PDGFB: variants seen among roughly 807,000 people sequenced by gnomAD.
The protein encoded by PDGFB is platelet-derived growth factor subunit B.
Under a neutral mutation model 29.0 loss-of-function variants are expected in PDGFB, and 6 were observed. The observed-to-expected ratio is 0.21, with a 90% CI of 0.11 to 0.41. The LOEUF is 0.41. Among genes scored for constraint, PDGFB ranks in the 10% least tolerant of loss-of-function variants. The pLI, the probability that PDGFB is intolerant of heterozygous loss-of-function variation, is 1.00. For synonymous variants in PDGFB, 144 were observed against 140.8 expected (o/e 1.02, Z -0.16); for missense variants, 299 against 341.8 (o/e 0.87, Z 0.99).
intron 2 of PDGFB, 62 bp downstream of exon 2, chr22:39,235,716 C>T: frequency 8.4e-7 from 1 of 1,183,456 alleles, no homozygotes; most frequent in Non-Finnish European, 1.3e-6. Flanking sequence ...CCTGTCCTGC[C>T]CCTCCCAGAT....
chr22:39,241,588 AAAG>A (rs1932569431), intron 1 of PDGFB, among the ~76,000 whole-genome samples: 1 of 152,226 alleles, frequency 6.6e-6, no homozygotes. Flanking sequence ...GAGCTGTGGG[AAAG>A]AAGGAGGAGG....
At chr22:39,227,479 C>G (rs1932196049) in intron 5 of PDGFB, among the ~76,000 whole-genome samples, 1 of 152,236 alleles carries the variant, frequency 6.6e-6, no homozygotes. Flanking sequence ...CAGAAACCCC[C>G]CAGCTAGTGT....
At chr22:39,239,960 T>C (rs1367223023) in intron 1 of PDGFB, among the ~76,000 whole-genome samples, 2 of 152,168 alleles carry the variant, frequency 1.3e-5, no homozygotes, top group Non-Finnish European at 2.9e-5. Context: ...AGGAAGAAGC[T>C]GATGAGGCCT....
At position 39,225,679 on chromosome 22, in the gene PDGFB, C is replaced by A; in HGVS notation, c.*28+16G>T. On this transcript the variant is annotated intron_variant, in intron 6 of 6. Transcript: ENST00000331163. The stretch of plus-strand genomic sequence containing the variant: ...ACACAGGATTCTGGGCCTCAGTTGC[C>A]CCGCCTGGCCCTCACCTGCCCACAC... 1 of 1,594,816 alleles carries A rather than the reference C, an allele frequency of 6.3e-7. No homozygotes were observed. The highest frequency in any genetic ancestry group is 1.1e-5 in the South Asian group (1 of 90,314).
At position 39,234,988 on chromosome 22, in the gene PDGFB, G is replaced by A. The variant is rs149861505; in HGVS notation, c.160+790C>T. ...GCGAACAATAGGTGGGCCCAGCTGG[G>A]GCCCCCTCCTGCCTGCCTCACCGCC... On this transcript the variant is annotated intron_variant, in intron 2 of 6. Transcript: ENST00000331163. Among the ~76,000 whole-genome samples the A allele has an allele frequency of 4.9e-3, 750 of 152,308 alleles. 10 individuals carry two copies. Among genetic ancestry groups the A allele is most frequent in the African/African-American group, 0.017 (708 of 41,572 alleles).
chr22:39,228,893 A>T (rs184337114), intron 5 of PDGFB, among the ~76,000 whole-genome samples: 37 of 132,622 alleles, frequency 2.8e-4, no homozygotes, highest in Non-Finnish European at 4.3e-4. Context: ...CCTCAAAAAA[A>T]ATATATATAT....
chr22:39,230,041 G>T, intron 5 of PDGFB, 43 bp downstream of exon 5: 1 of 1,599,794 alleles, frequency 6.3e-7, no homozygotes, highest in Non-Finnish European at 8.5e-7. Flanking sequence ...CCCAGCTGCT[G>T]CAGGGGAAGG....
chr22:39,225,555 C>T (rs996710924), intron 6 of PDGFB, 140 bp downstream of exon 6: 3 of 802,294 alleles, frequency 3.7e-6, no homozygotes, highest in Admixed American at 3.0e-5. Context: ...CCACCCTGCC[C>T]CAGCTGATAA....
intron 1 of PDGFB, among the ~76,000 whole-genome samples, chr22:39,241,443 C>T (rs1932566528): frequency 6.6e-6 from 1 of 152,220 alleles, no homozygotes; most frequent in Non-Finnish European, 1.5e-5. Flanking sequence ...TCAGGCTTAG[C>T]AGCAAAGTGC....
chr22:39,228,036 G>A (rs1241771746), intron 5 of PDGFB, among the ~76,000 whole-genome samples: 1 of 152,142 alleles, frequency 6.6e-6, no homozygotes, highest in Non-Finnish European at 1.5e-5. Context: ...GCAAGCACAA[G>A]GTCACCACAC....
At position 39,243,838 on chromosome 22, in the gene PDGFB, G is replaced by A; in HGVS notation, c.63+63C>T. The stretch of plus-strand genomic sequence containing the variant: ...GTTCACTGCAGGGAGAGGAGGGGGC[G>A]GTCAGAAGGGGGGGGCGAAGGTAAT... On this transcript the variant is annotated intron_variant, in intron 1 of 6. Coordinates refer to ENST00000331163, the MANE Select transcript of PDGFB (RefSeq NM_002608.4). This position sits in a 1 kb window ranked among gnomAD's most constrained non-coding sequence, Gnocchi z 6.4. The A allele has an allele frequency of 3.0e-6, 4 of 1,335,140 alleles. No individual in the cohort carries two copies. The South Asian group carries it at 3.8e-5, about 13-fold the overall frequency. 82.7% of individuals were successfully genotyped at this position (1,335,140 alleles called of 1,614,324 possible).
rs1932587429 is a variant in PDGFB, at chr22:39,242,363, C to G, written c.63+1538G>C. The G allele has an allele frequency of 4.8e-6, 1 of 206,748 alleles. No individual in the cohort carries two copies. Among genetic ancestry groups the G allele is most frequent in the African/African-American group, 2.3e-5 (1 of 43,756 alleles). 12.8% of individuals were successfully genotyped at this position (206,748 alleles called of 1,614,324 possible). A position where few individuals can be genotyped will look rare whatever the true frequency, so the allele number is the denominator to read the frequency against. On this transcript the variant is annotated intron_variant, in intron 1 of 6. Coordinates refer to ENST00000331163, the MANE Select transcript of PDGFB (RefSeq NM_002608.4). This position sits in a 1 kb window ranked among gnomAD's most constrained non-coding sequence, Gnocchi z 5.7. ...AGAGCAGCCACGGGGCGCCGCCGTT[C>G]CCAGGACGCCCTGGCACCGGGCCCA...
chr22:39,228,614 C>T (rs1040513274), intron 5 of PDGFB, among the ~76,000 whole-genome samples: 3 of 150,776 alleles, frequency 2.0e-5, no homozygotes, highest in Non-Finnish European at 4.4e-5. Flanking sequence ...AGAGGCTGGG[C>T]GTGGTGGCTC....
chr22:39,229,716 G>C lies in PDGFB; in HGVS notation c.601+368C>G, dbSNP rs574300169. Among the ~76,000 whole-genome samples, 6 of 152,344 alleles carry C rather than the reference G, an allele frequency of 3.9e-5. No homozygotes were observed. In the South Asian group the frequency reaches 1.2e-3, roughly 32 times the overall value. ...TCTAGGAGGAGGTGACTTCTGAGCT[G>C]AGACTCTAATGAAGAGAAGGAGCTA... is the stretch of plus-strand genomic sequence containing the variant. On this transcript the variant is annotated intron_variant, in intron 5 of 6. Coordinates refer to ENST00000331163, the MANE Select transcript of PDGFB (RefSeq NM_002608.4).
chr22:39,233,642 T>A, intron 2 of PDGFB, 118 bp from the exon 3 acceptor site: 1 of 613,168 alleles, frequency 1.6e-6, no homozygotes, highest in Non-Finnish European at 2.8e-6. Flanking sequence ...GAACAGTCCC[T>A]CCTTCCAGCC....
chr22:39,226,516 C>T (rs928685218), intron 5 of PDGFB, among the ~76,000 whole-genome samples: 1 of 152,184 alleles, frequency 6.6e-6, no homozygotes, highest in Non-Finnish European at 1.5e-5. Flanking sequence ...ACAGCCCAGG[C>T]CACCAGCTGA....
intron 4 of PDGFB, 99 bp from the exon 5 acceptor site, chr22:39,230,327 G>A: frequency 8.0e-7 from 1 of 1,251,262 alleles, no homozygotes; most frequent in African/African-American, 1.5e-5. Flanking sequence ...GTCCCCTGCA[G>A]CAATCTTTCC....
At chr22:39,227,510 T>C (rs1181483746) in intron 5 of PDGFB, among the ~76,000 whole-genome samples, 1 of 152,226 alleles carries the variant, frequency 6.6e-6, no homozygotes, top group Non-Finnish European at 1.5e-5. Flanking sequence ...CCTGGTGCTG[T>C]TCTATGCTCA....
At chr22:39,234,001 G>A (rs1419314240) in intron 2 of PDGFB, among the ~76,000 whole-genome samples, 1 of 146,070 alleles carries the variant, frequency 6.8e-6, no homozygotes, top group Non-Finnish European at 1.5e-5. Context: ...GCGCTGGGCA[G>A]GCGGGAGCCA....
Sources: gnomAD v4.1 joint callset for allele counts (sites outside exome capture counted in the v4.1 genomes callset) on GRCh38, gnomAD v4.1.1 for gene constraint, Gnocchi (gnomAD v3.1) non-coding constraint, MANE v1.5 for transcripts, NCBI Gene and HGNC (gene_info 2026-07-23, HGNC 2026-07-21) for gene names.